SH3D19: variants seen among roughly 807,000 people sequenced by gnomAD.
The protein encoded by SH3D19 is SH3 domain-containing protein 19.
In SH3D19, 58 loss-of-function variants were observed where a neutral mutation model predicts 112.1. The ratio of observed to expected loss-of-function variants is 0.52; its 90% CI spans 0.42 to 0.64. SH3D19 has a LOEUF of 0.64. SH3D19 is among the 30% of genes least tolerant of loss of function. The pLI, the probability that SH3D19 is intolerant of heterozygous loss-of-function variation, is 0.00. For synonymous variants in SH3D19, 391 were observed against 448.5 expected (o/e 0.87, Z 1.62); for missense variants, 1,090 against 1,263.4 (o/e 0.86, Z 2.08).
At chr4:151,166,335 G>A (rs988934259) in intron 7 of SH3D19, 38 of 152,306 alleles carry the variant, frequency 2.5e-4, no homozygotes, top group Admixed American at 2.2e-3. Context: ...TTAAGTAATT[G>A]CAGTGGTTGT....
At chr4:151,272,542 A>G (rs1324292584) in intron 1 of SH3D19, among the ~76,000 whole-genome samples, 1 of 152,202 alleles carries the variant, frequency 6.6e-6, no homozygotes, top group Non-Finnish European at 1.5e-5. Flanking sequence ...TCAGGATCCA[A>G]ACACACTTAT....
intron 1 of SH3D19, among the ~76,000 whole-genome samples, chr4:151,279,621 G>A (rs1310774107): frequency 6.6e-6 from 1 of 152,172 alleles, no homozygotes. Flanking sequence ...TCAGGGGAGT[G>A]GTCTCCATTT....
At position 151,191,945 on chromosome 4, in the gene SH3D19, C is replaced by T. The variant is rs778628186; in HGVS notation, c.153-4482G>A. 7.1e-3 allele frequency among the ~76,000 whole-genome samples: 200 copies of T among 28,140 alleles called. 3 individuals are homozygous for T. The highest frequency in any genetic ancestry group is 0.011 in the African/African-American group (184 of 16,858). 18.5% of individuals were successfully genotyped at this position (28,140 alleles called of 152,430 possible). On this transcript the variant is annotated intron_variant, in intron 2 of 19. Coordinates refer to ENST00000604030, the MANE Select transcript of SH3D19 (RefSeq NM_001378122.1). ...CAGGCGTGAGCCACCACACCCAGCC[C>T]TTTTTTTTTTTTTTTTTTGATACAG...
At chr4:151,157,269 A>C (rs1756295863) in intron 9 of SH3D19, among the ~76,000 whole-genome samples, 1 of 152,012 alleles carries the variant, frequency 6.6e-6, no homozygotes, top group Non-Finnish European at 1.5e-5. Flanking sequence ...GAAAAAAAAA[A>C]AACGGCAAAT....
chr4:151,144,436 G>A, intron 11 of SH3D19: 1 of 668,000 alleles, frequency 1.5e-6, no homozygotes, highest in Non-Finnish European at 2.7e-6. Flanking sequence ...CTAGATCAAT[G>A]GAGCCTGCCA....
intron 1 of SH3D19, among the ~76,000 whole-genome samples, chr4:151,284,065 T>C (rs1188637880): frequency 6.6e-6 from 1 of 152,190 alleles, no homozygotes; most frequent in African/African-American, 2.4e-5. Context: ...TTTGCATTTA[T>C]CCTATTTGGG....
At chr4:151,281,931 G>C (rs1774273773) in intron 1 of SH3D19, among the ~76,000 whole-genome samples, 1 of 152,064 alleles carries the variant, frequency 6.6e-6, no homozygotes, top group African/African-American at 2.4e-5. Context: ...CAAGCCACAA[G>C]CCTCTAGGAA....
intron 1 of SH3D19, among the ~76,000 whole-genome samples, chr4:151,285,354 G>A (rs1561431453): frequency 6.6e-6 from 1 of 152,148 alleles, no homozygotes; most frequent in East Asian, 1.9e-4. Context: ...CATATGCTAA[G>A]CTGTAAAACA....
In SH3D19 at chr4:151,146,303, AT is replaced by A. The variant is rs1170211873; in HGVS notation, c.2082+1618del. Among the ~76,000 whole-genome samples the A allele has an allele frequency of 1.4e-4, 21 of 149,286 alleles. No homozygotes were observed. The South Asian group carries it at 1.5e-3, about 11-fold the overall frequency. On this transcript the variant is annotated intron_variant, in intron 11 of 19. Transcript: ENST00000604030. Reference sequence around the variant, plus strand: ...CTGCTCTCCTGATCATTTTTATTTTATTTTTTTTTTTAAAAAAGAGTCTCAT... The same window carrying A: ...CTGCTCTCCTGATCATTTTTATTTTATTTTTTTTTTAAAAAAGAGTCTCAT...
At position 151,127,624 on chromosome 4, in the gene SH3D19, G is replaced by T; in HGVS notation, c.3021C>A (p.Ser1007=). 6.3e-7 allele frequency: 1 copy of T among 1,592,706 alleles called. No individual in the cohort carries two copies. The highest frequency in any genetic ancestry group is 8.5e-7 in the Non-Finnish European group (1 of 1,170,404). The part of the protein sequence containing the change: ...DFRGENEDEL[S]FKAGDIITEL... ...AAGAGATACACATTCTGACCTTGAAGGAAAGTTCATCTTCATTCTCCCCTC... is the reference window on the plus strand; with the variant it reads ...AAGAGATACACATTCTGACCTTGAATGAAAGTTCATCTTCATTCTCCCCTC... Residue 1007 remains serine, a synonymous_variant, in exon 19 of 20, where the codon TCC becomes TCA. Transcript: ENST00000604030.
chr4:151,154,546 C>A (rs939629826), intron 9 of SH3D19, among the ~76,000 whole-genome samples: 2 of 151,202 alleles, frequency 1.3e-5, no homozygotes, highest in Non-Finnish European at 1.5e-5. Flanking sequence ...TCCCAAAGTG[C>A]TGGATTACAG....
chr4:151,257,806 G>C (rs1772052061), intron 1 of SH3D19, among the ~76,000 whole-genome samples: 1 of 152,186 alleles, frequency 6.6e-6, no homozygotes, highest in Non-Finnish European at 1.5e-5. Flanking sequence ...CTACTCCAGA[G>C]ACTGAGGAGG....
chr4:151,150,465 A>G (rs1754854466), intron 9 of SH3D19, among the ~76,000 whole-genome samples: 1 of 151,772 alleles, frequency 6.6e-6, no homozygotes, highest in African/African-American at 2.4e-5. Flanking sequence ...GAATAGGCAG[A>G]TCTTATCTCA....
chr4:151,235,603 T>C (rs1769977261), intron 1 of SH3D19, among the ~76,000 whole-genome samples: 1 of 152,116 alleles, frequency 6.6e-6, no homozygotes, highest in Non-Finnish European at 1.5e-5. Context: ...CTGGCCAACA[T>C]GGTGAAAACC....
intron 19 of SH3D19, among the ~76,000 whole-genome samples, chr4:151,124,575 G>A (rs1748751858): frequency 6.6e-6 from 1 of 151,956 alleles, no homozygotes; most frequent in Admixed American, 6.6e-5. Context: ...AAAATTAGCT[G>A]GGCATGGTGG....
At chr4:151,208,390 G>A (rs1269868015) in intron 2 of SH3D19, among the ~76,000 whole-genome samples, 2 of 151,988 alleles carry the variant, frequency 1.3e-5, no homozygotes, top group African/African-American at 4.8e-5. Flanking sequence ...TTTTTTTAAA[G>A]ATGGAGTTTC....
At chr4:151,266,893 C>G (rs1009355440) in intron 1 of SH3D19, among the ~76,000 whole-genome samples, 1 of 152,124 alleles carries the variant, frequency 6.6e-6, no homozygotes, top group African/African-American at 2.4e-5. Context: ...CAAGAAGGTA[C>G]TATTTAGCCC....
chr4:151,242,991 A>G (rs1770675329), intron 1 of SH3D19, among the ~76,000 whole-genome samples: 1 of 152,212 alleles, frequency 6.6e-6, no homozygotes, highest in African/African-American at 2.4e-5. Flanking sequence ...TGCAGAAGAA[A>G]TTTCCCAATA....
chr4:151,293,155 T>C (rs962443721), intron 1 of SH3D19, among the ~76,000 whole-genome samples: 1 of 150,940 alleles, frequency 6.6e-6, no homozygotes, highest in African/African-American at 2.4e-5. Context: ...GTACATTTAA[T>C]GGAAATACAT....
Sources: gnomAD v4.1 joint callset for allele counts (sites outside exome capture counted in the v4.1 genomes callset) on GRCh38, gnomAD v4.1.1 for gene constraint, MANE v1.5 for transcripts, NCBI Gene and HGNC (gene_info 2026-07-23, HGNC 2026-07-21) for gene names.